AKAP19: variants seen among roughly 807,000 people sequenced by gnomAD.
AKAP19 encodes the protein A-kinase anchoring protein 19.
At chr2:189,911,175 G>T in the AKAP19 span, among the ~76,000 whole-genome samples, 68 of 152,180 alleles carry the variant, frequency 4.5e-4, 1 homozygote, top group Non-Finnish European at 7.5e-4. Flanking sequence ...CCACATCTTG[G>T]TTGTAAGAAT....
the AKAP19 span, among the ~76,000 whole-genome samples, chr2:190,016,922 T>C: frequency 1.3e-5 from 2 of 152,186 alleles, no homozygotes; most frequent in African/African-American, 4.8e-5. Flanking sequence ...TTATCTCTCC[T>C]TTCACATATA....
chr2:190,073,788 A>C, the AKAP19 span, among the ~76,000 whole-genome samples: 1 of 151,792 alleles, frequency 6.6e-6, no homozygotes, highest in East Asian at 1.9e-4. Flanking sequence ...GCGGTGGCTC[A>C]CGCCTGTAAT....
the AKAP19 span, chr2:190,091,090 A>G: frequency 3.9e-5 from 6 of 152,372 alleles, no homozygotes; most frequent in Non-Finnish European, 2.9e-5. Flanking sequence ...AGAACCATCC[A>G]CACAATTTGA....
chr2:190,068,762 G>A, the AKAP19 span, among the ~76,000 whole-genome samples: 2 of 152,164 alleles, frequency 1.3e-5, no homozygotes, highest in Non-Finnish European at 1.5e-5. Flanking sequence ...AAGTGAAAGG[G>A]TTTTTAGTTT....
chr2:190,014,882 T>G, the AKAP19 span, among the ~76,000 whole-genome samples: 1 of 152,202 alleles, frequency 6.6e-6, no homozygotes, highest in Admixed American at 6.5e-5. Context: ...TCATTACATC[T>G]TAGGGCTCCA....
the AKAP19 span, among the ~76,000 whole-genome samples, chr2:189,988,631 A>C: frequency 6.6e-6 from 1 of 152,230 alleles, no homozygotes; most frequent in Non-Finnish European, 1.5e-5. Context: ...ATTGTGTTCC[A>C]TAGAGAGGGA....
At chr2:189,956,034 G>A in the AKAP19 span, among the ~76,000 whole-genome samples, 3 of 151,724 alleles carry the variant, frequency 2.0e-5, no homozygotes, top group African/African-American at 7.3e-5. Context: ...ACAGATATTC[G>A]CATATGCTTC....
the AKAP19 span, among the ~76,000 whole-genome samples, chr2:189,935,807 A>G: frequency 6.6e-6 from 1 of 152,142 alleles, no homozygotes; most frequent in Non-Finnish European, 1.5e-5. Flanking sequence ...GTTGATCAAA[A>G]GATGTGTATA....
the AKAP19 span, among the ~76,000 whole-genome samples, chr2:190,188,748 G>T: frequency 6.6e-6 from 1 of 152,164 alleles, no homozygotes; most frequent in Non-Finnish European, 1.5e-5. Context: ...TTAAACAGCT[G>T]CTATTATGAA....
At chr2:189,989,424 A>G in the AKAP19 span, among the ~76,000 whole-genome samples, 1 of 152,290 alleles carries the variant, frequency 6.6e-6, no homozygotes, top group Non-Finnish European at 1.5e-5. Context: ...CTAAGAGCAC[A>G]GAAAGATTAA....
chr2:189,937,387 G>C, the AKAP19 span, among the ~76,000 whole-genome samples: 1 of 151,986 alleles, frequency 6.6e-6, no homozygotes, highest in African/African-American at 2.4e-5. Flanking sequence ...CCTGTGGAGA[G>C]ATTTTATGTT....
the AKAP19 span, among the ~76,000 whole-genome samples, chr2:189,956,033 C>T: frequency 3.8e-4 from 58 of 151,990 alleles, 1 homozygote; most frequent in East Asian, 8.7e-3. Context: ...AACAGATATT[C>T]GCATATGCTT....
chr2:189,967,387 A>T, the AKAP19 span, among the ~76,000 whole-genome samples: 1 of 152,232 alleles, frequency 6.6e-6, no homozygotes. Context: ...ATCAGGGTGT[A>T]ACTTCAAAAC....
the AKAP19 span, among the ~76,000 whole-genome samples, chr2:190,006,363 T>G: frequency 6.6e-6 from 1 of 152,178 alleles, no homozygotes; most frequent in African/African-American, 2.4e-5. Context: ...AAAAGCTAGT[T>G]ATGGTTGGGC....
At chr2:189,882,184 G>A in the AKAP19 span, among the ~76,000 whole-genome samples, 5 of 152,100 alleles carry the variant, frequency 3.3e-5, no homozygotes, top group Admixed American at 6.5e-5. Context: ...TCAGATTTTC[G>A]GAGTTCACAA....
At chr2:190,130,390 C>G in the AKAP19 span, among the ~76,000 whole-genome samples, 1 of 152,114 alleles carries the variant, frequency 6.6e-6, no homozygotes, top group Non-Finnish European at 1.5e-5. Flanking sequence ...ACATCAAATC[C>G]TAGTCTTTTC....
the AKAP19 span, among the ~76,000 whole-genome samples, chr2:189,900,701 G>A: frequency 5.3e-5 from 8 of 152,006 alleles, no homozygotes; most frequent in Non-Finnish European, 1.0e-4. Flanking sequence ...TGTGGGTGTC[G>A]ACTCTCTGGG....
chr2:190,180,835 G>A, the AKAP19 span: 2 of 985,160 alleles, frequency 2.0e-6, no homozygotes, highest in South Asian at 4.7e-5. The surrounding 1 kb of genome is among the most constrained non-coding windows in gnomAD (Gnocchi z 6.8). Flanking sequence ...CGGGAGCCCG[G>A]GCGCCGCCGA....
the AKAP19 span, among the ~76,000 whole-genome samples, chr2:190,172,831 G>A: frequency 6.6e-6 from 1 of 152,156 alleles, no homozygotes; most frequent in African/African-American, 2.4e-5. Context: ...GAGATGGCAT[G>A]GCCAAGTGCA....
Sources: gnomAD v4.1 joint callset for allele counts (sites outside exome capture counted in the v4.1 genomes callset) on GRCh38, gnomAD v4.1.1 for gene constraint, Gnocchi (gnomAD v3.1) non-coding constraint, MANE v1.5 for transcripts, NCBI Gene and HGNC (gene_info 2026-07-23, HGNC 2026-07-21) for gene names.